The following MAP2 variants were observed in gnomAD, a reference collection of about 807,000 sequenced individuals.
MAP2 encodes the protein microtubule associated protein 2.
MAP2 carries 14 observed loss-of-function variants against 137.6 expected under a neutral mutation model. That is an observed-to-expected ratio of 0.10 (90% CI 0.07 to 0.16). The LOEUF (loss-of-function observed/expected upper bound fraction) is 0.16, where lower values mean the gene tolerates loss of function less well. MAP2 is among the 10% of genes least tolerant of loss of function. The pLI is 1.00. For missense variants in MAP2, 2,088 were observed against 2,191.5 expected (o/e 0.95, Z 0.94); for synonymous variants, 786 against 782.3 (o/e 1.00, Z -0.08).
At chr2:209,447,109 A>C (rs1365073552) in intron 1 of MAP2, among the ~76,000 whole-genome samples, 1 of 151,944 alleles carries the variant, frequency 6.6e-6, no homozygotes, top group African/African-American at 2.4e-5. Context: ...CAGTAGAGTA[A>C]CTCCTTCTTC....
chr2:209,463,995 A>G (rs1703510602), intron 1 of MAP2, among the ~76,000 whole-genome samples: 1 of 152,170 alleles, frequency 6.6e-6, no homozygotes, highest in African/African-American at 2.4e-5. Context: ...ACATCTAATT[A>G]TAAACATGAC....
intron 2 of MAP2, among the ~76,000 whole-genome samples, chr2:209,536,831 T>A (rs148401276): frequency 8.3e-4 from 127 of 152,298 alleles, no homozygotes; most frequent in Admixed American, 2.0e-3. Flanking sequence ...GAACATAAAT[T>A]TAGGTTTATC....
intron 4 of MAP2, among the ~76,000 whole-genome samples, chr2:209,651,173 A>G (rs959239262): frequency 1.3e-5 from 2 of 152,204 alleles, no homozygotes; most frequent in Non-Finnish European, 2.9e-5. Flanking sequence ...AAATGGCAGA[A>G]TGGAGTGTAG....
chr2:209,662,140 G>A (rs2043947149), intron 5 of MAP2, among the ~76,000 whole-genome samples: 1 of 152,130 alleles, frequency 6.6e-6, no homozygotes, highest in Non-Finnish European at 1.5e-5. Context: ...TTATTCCTTG[G>A]AATTTTAATT....
intron 2 of MAP2, among the ~76,000 whole-genome samples, chr2:209,549,697 T>C (rs890176511): frequency 6.6e-6 from 1 of 152,194 alleles, no homozygotes; most frequent in Non-Finnish European, 1.5e-5. Flanking sequence ...GCTATTTTCA[T>C]GGCAACAATC....
chr2:209,688,409 G>A (rs2057808877), intron 7 of MAP2, among the ~76,000 whole-genome samples: 1 of 152,096 alleles, frequency 6.6e-6, no homozygotes, highest in Non-Finnish European at 1.5e-5. Flanking sequence ...AATAGCATTA[G>A]CTTTCTTTTT....
At chr2:209,691,672 A>G (rs1489672449) in intron 7 of MAP2, among the ~76,000 whole-genome samples, 1 of 152,244 alleles carries the variant, frequency 6.6e-6, no homozygotes, top group African/African-American at 2.4e-5. Flanking sequence ...TGAATAAATA[A>G]AAGTAAAAAT....
At chr2:209,505,582 G>C (rs1055693673) in intron 1 of MAP2, among the ~76,000 whole-genome samples, 1 of 152,160 alleles carries the variant, frequency 6.6e-6, no homozygotes, top group Non-Finnish European at 1.5e-5. Context: ...AATGTAGCAT[G>C]ATCTAATATT....
At chr2:209,464,289 G>A (rs545305912) in intron 1 of MAP2, among the ~76,000 whole-genome samples, 1 of 151,986 alleles carries the variant, frequency 6.6e-6, no homozygotes, top group South Asian at 2.1e-4. Context: ...CAGGTACTTC[G>A]ATTGAAAATA....
At chr2:209,513,915 C>T (rs7559831) in intron 2 of MAP2, among the ~76,000 whole-genome samples, 81,121 of 151,906 alleles carry the variant, frequency 0.53, 22,677 homozygotes, top group Middle Eastern at 0.64. Flanking sequence ...TTGATAGTCA[C>T]GTTTTTGTCC....
chr2:209,502,990 AT>A (rs34487214), intron 1 of MAP2, among the ~76,000 whole-genome samples: 5,567 of 120,972 alleles, frequency 0.046, 143 homozygotes, highest in South Asian at 0.083. Context: ...TATATTTCGG[AT>A]TTTTTTTCTT....
intron 1 of MAP2, among the ~76,000 whole-genome samples, chr2:209,427,467 TACCTTTATCTACTCA>T (rs998779424): frequency 1.3e-5 from 2 of 152,194 alleles, no homozygotes; most frequent in Non-Finnish European, 2.9e-5. Context: ...CTATTGCCAT[TACCTTTATCTACTCA>T]ATCTAGACCT....
In MAP2 at chr2:209,499,705, G is replaced by A. The variant is rs188935873; in HGVS notation, c.-221-7887G>A. Among the ~76,000 whole-genome samples the A allele has an allele frequency of 7.4e-4, 112 of 152,258 alleles. 1 individual carries two copies. Among genetic ancestry groups the A allele is most frequent in the African/African-American group, 2.5e-3 (102 of 41,546 alleles). On this transcript the variant is annotated intron_variant, in intron 1 of 15. Coordinates refer to ENST00000682079, the MANE Select transcript of MAP2 (RefSeq NM_001375505.1). ...GCCTCAGGGGGCTTTTACTCATGGTGGAGAGCAACACAGGAGCAGGCACTT... is the reference window on the plus strand; with the variant it reads ...GCCTCAGGGGGCTTTTACTCATGGTAGAGAGCAACACAGGAGCAGGCACTT...
intron 2 of MAP2, among the ~76,000 whole-genome samples, chr2:209,535,921 A>G (rs919790534): frequency 1.3e-5 from 2 of 152,176 alleles, no homozygotes; most frequent in Non-Finnish European, 2.9e-5. Flanking sequence ...TCTTTGCTCC[A>G]TTCATTGTAG....
chr2:209,443,359 G>A (rs557261006), intron 1 of MAP2, among the ~76,000 whole-genome samples: 5 of 151,586 alleles, frequency 3.3e-5, no homozygotes, highest in African/African-American at 1.2e-4. Context: ...CTAGCAGAGT[G>A]CCTGGCATAT....
At chr2:209,572,123 G>C (rs1166566857) in intron 2 of MAP2, among the ~76,000 whole-genome samples, 2 of 151,900 alleles carry the variant, frequency 1.3e-5, no homozygotes. Flanking sequence ...GATTCTAAAT[G>C]AAATAGTCAA....
At chr2:209,516,240 G>A (rs959088329) in intron 2 of MAP2, among the ~76,000 whole-genome samples, 1 of 151,944 alleles carries the variant, frequency 6.6e-6, no homozygotes, top group African/African-American at 2.4e-5. Flanking sequence ...ACATCATTTA[G>A]TGATGGCTTA....
intron 3 of MAP2, among the ~76,000 whole-genome samples, chr2:209,611,262 C>T (rs2086762905): frequency 6.6e-6 from 1 of 151,918 alleles, no homozygotes; most frequent in Admixed American, 6.6e-5. Context: ...GATTCCTGGA[C>T]CCACTACAGA....
intron 4 of MAP2, 130 bp from the exon 5 acceptor site, chr2:209,653,012 G>T: frequency 1.7e-6 from 1 of 604,954 alleles, no homozygotes; most frequent in Non-Finnish European, 2.8e-6. Context: ...ATTAAACATA[G>T]GTTATTGTAC....
Sources: gnomAD v4.1 joint callset for allele counts (sites outside exome capture counted in the v4.1 genomes callset) on GRCh38, gnomAD v4.1.1 for gene constraint, MANE v1.5 for transcripts, NCBI Gene and HGNC (gene_info 2026-07-23, HGNC 2026-07-21) for gene names.